ATP9B: variants seen among roughly 807,000 people sequenced by gnomAD.
ATP9B encodes the protein ATPase phospholipid transporting 9B, also known as probable phospholipid-transporting ATPase IIB.
ATP9B carries 110 observed loss-of-function variants against 146.1 expected under a neutral mutation model. That is an observed-to-expected ratio of 0.75 (90% CI 0.65 to 0.88). ATP9B has a LOEUF of 0.88. ATP9B is among the 40% of genes least tolerant of loss of function. The pLI, the probability that ATP9B is intolerant of heterozygous loss-of-function variation, is 0.00. For synonymous variants in ATP9B, 604 were observed against 569.7 expected, an observed-to-expected ratio of 1.06 and a Z score of -0.86; for missense variants, 1,499 against 1,496.4, an observed-to-expected ratio of 1.00 and a Z score of -0.03.
chr18:79,369,257 G>A lies in ATP9B; in HGVS notation c.3013-3568G>A, dbSNP rs556346509. On this transcript the variant is annotated intron_variant, in intron 26 of 29. Transcript: ENST00000426216. ...ACTAAAAATACAAAAAAAATGAGCC[G>A]GGCGTGGTGGCTCACGCCTGTAATC... is the stretch of plus-strand genomic sequence containing the variant. Among the ~76,000 whole-genome samples, 36 of 151,066 alleles carry A rather than the reference G, an allele frequency of 2.4e-4. No individual in the cohort carries two copies. The East Asian group carries it at 3.7e-3, about 16-fold the overall frequency.
At position 79,305,160 on chromosome 18, in the gene ATP9B, T is replaced by C. The variant is rs116701695; in HGVS notation, c.1524+1444T>C. ...GCTGTGGAGTCTAGGAGACTTTTTGTATTTACAGTAATTTGTTTCAAACTT... is the reference window on the plus strand; with the variant it reads ...GCTGTGGAGTCTAGGAGACTTTTTGCATTTACAGTAATTTGTTTCAAACTT... On this transcript the variant is annotated intron_variant, in intron 14 of 29. Coordinates refer to ENST00000426216, the MANE Select transcript of ATP9B (RefSeq NM_198531.5). 1.5e-3 allele frequency among the ~76,000 whole-genome samples: 227 copies of C among 152,330 alleles called. 1 individual carries two copies. The highest frequency in any genetic ancestry group is 5.1e-3 in the African/African-American group (214 of 41,578).
At chr18:79,362,818 G>A (rs1046913994) in intron 26 of ATP9B, 1 of 152,206 alleles carries the variant, frequency 6.6e-6, no homozygotes, top group Admixed American at 6.5e-5. Flanking sequence ...TTGTAGTTGT[G>A]CTAATTGTAA....
chr18:79,237,370 A>C (rs1463425283), intron 11 of ATP9B, among the ~76,000 whole-genome samples: 2 of 148,094 alleles, frequency 1.4e-5, no homozygotes, highest in African/African-American at 2.5e-5. Context: ...CAGTGTCCAC[A>C]CCTGCCCCTT....
intron 1 of ATP9B, among the ~76,000 whole-genome samples, chr18:79,082,458 T>C (rs1011430359): frequency 1.3e-5 from 2 of 152,098 alleles, no homozygotes; most frequent in African/African-American, 4.8e-5. Flanking sequence ...AGGTGAGGAG[T>C]TGTGATCCTT....
rs1039853062 is a variant in ATP9B at position 79,296,143 on chromosome 18, G to A, written c.1412-7461G>A. Among the ~76,000 whole-genome samples, 10 of 152,258 alleles carry A rather than the reference G, an allele frequency of 6.6e-5. No individual in the cohort carries two copies. The East Asian group carries it at 7.7e-4, about 12-fold the overall frequency. ...CCATCTTCCTGCCTCAGCCTCCCTA[G>A]TAGCTGGGACTGCAGGTGTGTGCTG... is the stretch of plus-strand genomic sequence containing the variant. On this transcript the variant is annotated intron_variant, in intron 13 of 29. Transcript: ENST00000426216.
At chr18:79,303,373 A>G (rs2096603841) in intron 13 of ATP9B, among the ~76,000 whole-genome samples, 1 of 152,168 alleles carries the variant, frequency 6.6e-6, no homozygotes, top group Admixed American at 6.5e-5. Flanking sequence ...AAAAAAAAAC[A>G]CACAAAAATG....
rs1238287301 is a variant in ATP9B at position 79,096,639 on chromosome 18, C to T, written c.283C>T (p.Leu95Phe). ...GTTTGTCTGTGATGGCTGGAAGTTC[C>T]TCTGTACCAGGTTTGTTATCCATTG... ...EWFVCDGWKF[L>F]CTSCCGWLIN... Residue 95 changes from leucine to phenylalanine, a missense_variant, in exon 2 of 30, where the codon CTC becomes TTC. Coordinates refer to ENST00000426216, the MANE Select transcript of ATP9B (RefSeq NM_198531.5). The T allele has an allele frequency of 1.2e-6, 2 of 1,612,498 alleles. No homozygotes were observed. The highest frequency in any genetic ancestry group is 1.7e-6 in the Non-Finnish European group (2 of 1,179,272).
intron 13 of ATP9B, among the ~76,000 whole-genome samples, chr18:79,292,179 C>T: frequency 6.6e-6 from 1 of 152,190 alleles, no homozygotes; most frequent in Non-Finnish European, 1.5e-5. Flanking sequence ...CCTACTACGA[C>T]TAATGCTGCT....
Position 79,377,550 on chromosome 18 carries a change from T to A in ATP9B, c.*167T>A. ...GCACAGATGCTGAGACAGCCTCTCC[T>A]TCTCAGTGCAGGGACGTCACCCCTG... is the stretch of plus-strand genomic sequence containing the variant. On this transcript the variant is annotated 3_prime_UTR_variant, in exon 30 of 30. Transcript: ENST00000426216. The A allele has an allele frequency of 1.2e-6, 1 of 857,150 alleles. No individual in the cohort carries two copies. The highest frequency in any genetic ancestry group is 1.7e-6 in the Non-Finnish European group (1 of 581,758). 53.1% of individuals were successfully genotyped at this position (857,150 alleles called of 1,614,324 possible).
At chr18:79,071,515 G>A (rs1185863971) in intron 1 of ATP9B, among the ~76,000 whole-genome samples, 3 of 148,504 alleles carry the variant, frequency 2.0e-5, no homozygotes, top group South Asian at 4.3e-4. Context: ...CCATGTAGCT[G>A]GGACTATAGG....
intron 15 of ATP9B, among the ~76,000 whole-genome samples, chr18:79,319,346 G>A (rs2096701710): frequency 6.6e-6 from 1 of 152,142 alleles, no homozygotes; most frequent in South Asian, 2.1e-4. Context: ...AATAGAGAGG[G>A]AACAGTTCCC....
intron 15 of ATP9B, among the ~76,000 whole-genome samples, chr18:79,326,917 C>T (rs1230729881): frequency 4.6e-5 from 7 of 152,206 alleles, no homozygotes; most frequent in Non-Finnish European, 1.5e-5. Flanking sequence ...CACCTCATTT[C>T]TCGAATCCTT....
intron 12 of ATP9B, among the ~76,000 whole-genome samples, chr18:79,263,918 A>G (rs1007711092): frequency 4.6e-5 from 7 of 152,138 alleles, no homozygotes; most frequent in African/African-American, 1.7e-4. Flanking sequence ...CCCTGTCTCT[A>G]CTAAAAAATA....
intron 15 of ATP9B, among the ~76,000 whole-genome samples, chr18:79,315,456 A>C (rs572783245): frequency 9.2e-5 from 14 of 152,354 alleles, no homozygotes; most frequent in African/African-American, 3.4e-4. Flanking sequence ...TAATAATTCC[A>C]TTAAAATATA....
At chr18:79,278,358 C>T (rs756102003) in intron 13 of ATP9B, among the ~76,000 whole-genome samples, 1 of 152,154 alleles carries the variant, frequency 6.6e-6, no homozygotes, top group South Asian at 2.1e-4. Flanking sequence ...TTCCACTATC[C>T]GTGCAGCAGT....
intron 17 of ATP9B, among the ~76,000 whole-genome samples, chr18:79,331,938 G>A (rs192648961): frequency 3.9e-5 from 6 of 152,260 alleles, no homozygotes; most frequent in Admixed American, 3.9e-4. Context: ...AACAACACGA[G>A]GGCCAGGGGC....
At chr18:79,171,545 C>T (rs1308014227) in intron 7 of ATP9B, among the ~76,000 whole-genome samples, 1 of 151,942 alleles carries the variant, frequency 6.6e-6, no homozygotes, top group Non-Finnish European at 1.5e-5. Context: ...CAGGGAGACC[C>T]CGTGTGTCCC....
chr18:79,174,224 T>A (rs1207222999), intron 7 of ATP9B: 1 of 420,076 alleles, frequency 2.4e-6, no homozygotes, highest in Non-Finnish European at 4.7e-6. Context: ...TTCTAGGAAT[T>A]TTCACTGCAT....
chr18:79,135,296 A>G (rs1038690024), intron 5 of ATP9B, among the ~76,000 whole-genome samples: 1 of 152,168 alleles, frequency 6.6e-6, no homozygotes, highest in African/African-American at 2.4e-5. Context: ...TTTAATTACC[A>G]TGGGATACTG....
Sources: gnomAD v4.1 joint callset for allele counts (sites outside exome capture counted in the v4.1 genomes callset) on GRCh38, gnomAD v4.1.1 for gene constraint, MANE v1.5 for transcripts, NCBI Gene and HGNC (gene_info 2026-07-23, HGNC 2026-07-21) for gene names.